Variants in EPC2 observed in about 807,000 individuals in gnomAD.
EPC2 encodes enhancer of polycomb 2.
Under a neutral mutation model 92.1 loss-of-function variants are expected in EPC2, and 14 were observed. The observed-to-expected ratio is 0.15, with a 90% CI of 0.10 to 0.24. The LOEUF is 0.24. Among genes scored for constraint, EPC2 ranks in the 10% least tolerant of loss-of-function variants. The pLI, the probability that EPC2 is intolerant of heterozygous loss-of-function variation, is 1.00. For missense variants in EPC2, 755 were observed against 971.5 expected, an observed-to-expected ratio of 0.78 and a Z score of 2.96; for synonymous variants, 340 against 334.7, an observed-to-expected ratio of 1.02 and a Z score of -0.17.
chr2:148,684,940 A>G (rs890365526), intron 1 of EPC2, among the ~76,000 whole-genome samples: 17 of 152,220 alleles, frequency 1.1e-4, no homozygotes, highest in Non-Finnish European at 1.6e-4. Context: ...ATCAGTATAA[A>G]TCGTCTCATA....
At chr2:148,708,828 A>T (rs955638250) in intron 2 of EPC2, among the ~76,000 whole-genome samples, 4 of 152,230 alleles carry the variant, frequency 2.6e-5, no homozygotes, top group African/African-American at 9.6e-5. Flanking sequence ...TAAACTAGGC[A>T]TTGATGGAAC....
Position 148,722,596 on chromosome 2 carries a change from C to T in EPC2, c.314-21026C>T, listed in dbSNP as rs115326709. 7.2e-3 allele frequency among the ~76,000 whole-genome samples: 1,090 copies of T among 152,246 alleles called. 6 individuals carry two copies. Among genetic ancestry groups the T allele is most frequent in the African/African-American group, 0.025 (1,024 of 41,542 alleles). ...GGGTAGGAATGTAAATTAGTTCAGCCATTGTGGAAGCAGCGTAGCGATTTC... is the reference window on the plus strand; with the variant it reads ...GGGTAGGAATGTAAATTAGTTCAGCTATTGTGGAAGCAGCGTAGCGATTTC... On this transcript the variant is annotated intron_variant, in intron 2 of 13. Transcript: ENST00000258484.
chr2:148,764,201 A>G (rs1284987439), intron 6 of EPC2, among the ~76,000 whole-genome samples: 1 of 152,216 alleles, frequency 6.6e-6, no homozygotes, highest in Non-Finnish European at 1.5e-5. Context: ...TATCTGGACT[A>G]GATGTGGAAA....
intron 2 of EPC2, among the ~76,000 whole-genome samples, chr2:148,718,987 C>T (rs1682312578): frequency 6.6e-6 from 1 of 151,974 alleles, no homozygotes. Flanking sequence ...TTCAGAAAGC[C>T]AGTCTTCCAG....
chr2:148,691,418 A>G (rs1468902565), intron 2 of EPC2: 1 of 1,186,194 alleles, frequency 8.4e-7, no homozygotes, highest in East Asian at 2.6e-5. Flanking sequence ...CTGGGTGTGA[A>G]GTCTGGTGAT....
intron 2 of EPC2, among the ~76,000 whole-genome samples, chr2:148,697,035 T>C (rs1339553029): frequency 6.6e-6 from 1 of 152,262 alleles, no homozygotes; most frequent in African/African-American, 2.4e-5. Flanking sequence ...ACATTTTTTG[T>C]ATGCTAAGCC....
rs1683761898 is a variant in EPC2 at position 148,644,931 on chromosome 2, G to C, written c.-87G>C. The C allele has an allele frequency of 1.7e-6, 2 of 1,156,816 alleles. No homozygotes were observed. Among genetic ancestry groups the C allele is most frequent in the African/African-American group, 3.1e-5 (2 of 65,454 alleles). 71.7% of individuals were successfully genotyped at this position (1,156,816 alleles called of 1,614,324 possible). On this transcript the variant is annotated 5_prime_UTR_variant, in exon 1 of 14. Coordinates refer to ENST00000258484, the MANE Select transcript of EPC2 (RefSeq NM_015630.4). ...GGCCGGCCGCGCTGCACTGAGGAAG[G>C]AGGTGGAGGAGGCGGCGGGAGTCCT...
intron 1 of EPC2, among the ~76,000 whole-genome samples, chr2:148,663,310 C>G (rs1680985280): frequency 6.7e-6 from 1 of 150,304 alleles, no homozygotes; most frequent in Non-Finnish European, 1.5e-5. Context: ...GCTCCGTCTC[C>G]CAGGTTCACG....
intron 2 of EPC2, among the ~76,000 whole-genome samples, chr2:148,721,806 C>T (rs1247979586): frequency 6.9e-6 from 1 of 144,380 alleles, no homozygotes. Context: ...TCAGCTGTGT[C>T]CAGTCTACTA....
chr2:148,715,998 G>T (rs557131321), intron 2 of EPC2, among the ~76,000 whole-genome samples: 4 of 152,226 alleles, frequency 2.6e-5, no homozygotes, highest in African/African-American at 9.6e-5. Flanking sequence ...GTGAATGTGA[G>T]TTCATTCGTG....
At chr2:148,734,799 ATTTC>A (rs1682717931) in intron 2 of EPC2, among the ~76,000 whole-genome samples, 1 of 141,604 alleles carries the variant, frequency 7.1e-6, no homozygotes, top group Non-Finnish European at 1.5e-5. Flanking sequence ...TTTGGAATTG[ATTTC>A]TTTTTTTTTT....
intron 2 of EPC2, among the ~76,000 whole-genome samples, chr2:148,717,193 ATTTT>A (rs61215161): frequency 0.016 from 1,586 of 100,910 alleles, 32 homozygotes; most frequent in African/African-American, 0.057. Context: ...GGATTCATTG[ATTTT>A]TTTTTTTTTT....
chr2:148,730,320 T>C (rs1044578164), intron 2 of EPC2, among the ~76,000 whole-genome samples: 1 of 152,240 alleles, frequency 6.6e-6, no homozygotes, highest in African/African-American at 2.4e-5. Flanking sequence ...TCTGAACTTT[T>C]AGATACATTT....
At chr2:148,714,109 G>A (rs1682550145) in intron 2 of EPC2, among the ~76,000 whole-genome samples, 1 of 131,780 alleles carries the variant, frequency 7.6e-6, no homozygotes, top group African/African-American at 3.0e-5. Context: ...CCATCCCCAT[G>A]TGTCCATGTG....
intron 1 of EPC2, among the ~76,000 whole-genome samples, chr2:148,671,287 A>ATTTTTT (rs60048357): frequency 1.2e-4 from 15 of 127,094 alleles, no homozygotes; most frequent in East Asian, 8.7e-4. Context: ...GTGGATTGTG[A>ATTTTTT]TTTTTTTTTT....
At chr2:148,653,922 GTTAGTT>G (rs1171664379) in intron 1 of EPC2, among the ~76,000 whole-genome samples, 3 of 149,490 alleles carry the variant, frequency 2.0e-5, no homozygotes, top group Non-Finnish European at 3.0e-5. Context: ...TATCTGAAAA[GTTAGTT>G]TTAAAGATTA....
chr2:148,739,724 C>T (rs1424097715), intron 2 of EPC2, among the ~76,000 whole-genome samples: 8 of 151,814 alleles, frequency 5.3e-5, no homozygotes, highest in South Asian at 4.2e-4. Flanking sequence ...CTGCAAGGAA[C>T]TTCTCATCTA....
intron 2 of EPC2, among the ~76,000 whole-genome samples, chr2:148,706,069 G>A (rs1299837749): frequency 6.6e-6 from 1 of 152,170 alleles, no homozygotes; most frequent in Non-Finnish European, 1.5e-5. Flanking sequence ...AAAGGAAGAT[G>A]TTTGAACCCA....
rs1574575107 is a variant in EPC2, at chr2:148,675,905, A to T, written c.154-14309A>T. Among the ~76,000 whole-genome samples, 3 of 152,212 alleles carry T rather than the reference A, an allele frequency of 2.0e-5. No homozygotes were observed. In the South Asian group the frequency reaches 6.2e-4, roughly 31 times the overall value. ...AATCTTTGGCTATGTGTGTAGCCTA[A>T]TTCAGTGGATAAATCCTGAAAGCCA... On this transcript the variant is annotated intron_variant, in intron 1 of 13. Coordinates refer to ENST00000258484, the MANE Select transcript of EPC2 (RefSeq NM_015630.4).
Sources: allele counts gnomAD v4.1 joint callset (sites outside exome capture counted in the v4.1 genomes callset), GRCh38; gene constraint gnomAD v4.1.1; transcripts MANE v1.5; gene names NCBI Gene and HGNC (gene_info 2026-07-23, HGNC 2026-07-21).